Variants in SPATA6 observed in about 807,000 individuals in gnomAD.
SPATA6 encodes spermatogenesis associated 6, also known as spermatogenesis-associated protein 6.
In SPATA6, 56 loss-of-function variants were observed where a neutral mutation model predicts 65.3. The observed-to-expected ratio is 0.86, with a 90% CI of 0.69 to 1.07. SPATA6 has a LOEUF of 1.07. Ranked by LOEUF, SPATA6 falls within the 50% of genes least tolerant of loss-of-function variation. The pLI is 0.00. For synonymous variants in SPATA6, 199 were observed against 213.2 expected, an observed-to-expected ratio of 0.93 and a Z score of 0.58; for missense variants, 590 against 594.8, an observed-to-expected ratio of 0.99 and a Z score of 0.08.
intron 11 of SPATA6, among the ~76,000 whole-genome samples, chr1:48,323,616 GAAA>G (rs34150171): frequency 5.7e-5 from 6 of 105,316 alleles, no homozygotes; most frequent in Middle Eastern, 5.4e-3. Flanking sequence ...CACAACAACA[GAAA>G]AAAAAAAAAA....
At chr1:48,381,913 G>C (rs1256820129) in intron 9 of SPATA6, among the ~76,000 whole-genome samples, 3 of 124,352 alleles carry the variant, frequency 2.4e-5, no homozygotes, top group Admixed American at 1.7e-4. Context: ...GACTCTTAAC[G>C]AGCATGCTGC....
At position 48,436,160 on chromosome 1, in the gene SPATA6, G is replaced by A; in HGVS notation, c.238+15392C>T. On this transcript the variant is annotated intron_variant, in intron 3 of 12. Transcript: ENST00000371847. ...CACTACGAGCTCCAAGTAGAAACAGGAAGAGGATTTGACAACTTGACTTCT... is the reference window on the plus strand; with the variant it reads ...CACTACGAGCTCCAAGTAGAAACAGAAAGAGGATTTGACAACTTGACTTCT... 3.1e-6 allele frequency: 5 copies of A among 1,610,564 alleles called. No individual in the cohort carries two copies. In the South Asian group the frequency reaches 3.3e-5, roughly 11 times the overall value.
At chr1:48,287,037 C>CA in the SPATA6 span, among the ~76,000 whole-genome samples, 39,329 of 112,838 alleles carry the variant, frequency 0.35, 5,917 homozygotes, top group East Asian at 0.42. Flanking sequence ...TAGACTGTCT[C>CA]AAAAAAAAAA....
chr1:48,317,459 C>G (rs889153618), intron 11 of SPATA6, among the ~76,000 whole-genome samples: 1 of 151,198 alleles, frequency 6.6e-6, no homozygotes. Flanking sequence ...TTCTCACTCA[C>G]AGGTGGGAAC....
At chr1:48,350,804 C>T (rs762313458) in intron 11 of SPATA6, among the ~76,000 whole-genome samples, 2 of 151,852 alleles carry the variant, frequency 1.3e-5, no homozygotes, top group African/African-American at 4.8e-5. Flanking sequence ...TAAAATTAGG[C>T]AGTGAGTCCT....
chr1:48,435,499 C>T (rs1654829531), intron 3 of SPATA6, among the ~76,000 whole-genome samples: 1 of 152,160 alleles, frequency 6.6e-6, no homozygotes, highest in Admixed American at 6.5e-5. Context: ...TGTAAAAATG[C>T]ACCAATCAGC....
At chr1:48,365,349 G>A (rs1328414758) in intron 9 of SPATA6, among the ~76,000 whole-genome samples, 1 of 152,154 alleles carries the variant, frequency 6.6e-6, no homozygotes, top group African/African-American at 2.4e-5. Flanking sequence ...GTCATTAGCA[G>A]CTTGATGGGG....
intron 3 of SPATA6, among the ~76,000 whole-genome samples, chr1:48,433,717 T>C (rs1325791760): frequency 6.6e-6 from 1 of 152,202 alleles, no homozygotes; most frequent in Non-Finnish European, 1.5e-5. Flanking sequence ...TGAATATATT[T>C]GTTATATAAA....
intron 3 of SPATA6, among the ~76,000 whole-genome samples, chr1:48,430,326 C>T (rs369134333): frequency 1.9e-4 from 29 of 152,044 alleles, no homozygotes; most frequent in East Asian, 3.9e-4. Context: ...GCAGTAGGCT[C>T]GTATATACAA....
chr1:48,337,795 G>A (rs1646100959), intron 11 of SPATA6, among the ~76,000 whole-genome samples: 1 of 151,850 alleles, frequency 6.6e-6, no homozygotes, highest in Non-Finnish European at 1.5e-5. Context: ...CTAGACCTAT[G>A]AAATGAAAAC....
intron 7 of SPATA6, among the ~76,000 whole-genome samples, chr1:48,397,796 T>C (rs1650750929): frequency 6.6e-6 from 1 of 151,638 alleles, no homozygotes; most frequent in Admixed American, 6.6e-5. Context: ...CATTTCTGTT[T>C]ATTGAAAAGC....
chr1:48,279,113 T>A, the SPATA6 span, among the ~76,000 whole-genome samples: 89 of 152,130 alleles, frequency 5.9e-4, no homozygotes, highest in African/African-American at 2.1e-3. Context: ...ATAAAATCCT[T>A]TACAGACAAG....
chr1:48,403,554 GA>G (rs1402630672), intron 6 of SPATA6, among the ~76,000 whole-genome samples: 3 of 152,074 alleles, frequency 2.0e-5, no homozygotes, highest in Non-Finnish European at 4.4e-5. Flanking sequence ...AAAAGTCCAA[GA>G]AGTAAAAAAA....
chr1:48,357,014 C>G (rs1391312957), intron 10 of SPATA6, among the ~76,000 whole-genome samples: 2 of 152,108 alleles, frequency 1.3e-5, no homozygotes, highest in Non-Finnish European at 2.9e-5. Flanking sequence ...TCTTGGAAAT[C>G]TGAGATCCAA....
At chr1:48,435,638 C>T (rs2148076447) in intron 3 of SPATA6, among the ~76,000 whole-genome samples, 1 of 152,258 alleles carries the variant, frequency 6.6e-6, no homozygotes, top group Middle Eastern at 3.4e-3. Flanking sequence ...ACGCACCAAT[C>T]AGCACTCTGG....
chr1:48,334,821 A>G (rs1646016117), intron 11 of SPATA6, among the ~76,000 whole-genome samples: 1 of 152,184 alleles, frequency 6.6e-6, no homozygotes, highest in African/African-American at 2.4e-5. Flanking sequence ...AGGCATCCAA[A>G]TAAGAAAAGA....
chr1:48,428,146 C>G (rs536479230), intron 3 of SPATA6, among the ~76,000 whole-genome samples: 2 of 152,234 alleles, frequency 1.3e-5, no homozygotes, highest in African/African-American at 4.8e-5. Flanking sequence ...ACCACTGACC[C>G]AAAGCCTTAA....
intron 6 of SPATA6, chr1:48,400,813 T>A (rs1651092522): frequency 7.7e-7 from 1 of 1,295,372 alleles, no homozygotes; most frequent in African/African-American, 1.5e-5. Context: ...CTTCTGTAGT[T>A]CATGGTATGC....
Position 48,298,553 on chromosome 1 carries a change from T to C in SPATA6, c.*160A>G. ...ATAATTATTTTAAAAGGCTTGCCTA[T>C]GATAATTTACCATTTGAAGTAATGA... On this transcript the variant is annotated 3_prime_UTR_variant, in exon 13 of 13. Transcript: ENST00000371847. 3.1e-6 allele frequency: 2 copies of C among 644,210 alleles called. No homozygotes were observed. Among genetic ancestry groups the C allele is most frequent in the Non-Finnish European group, 5.0e-6 (2 of 400,280 alleles). 39.9% of individuals were successfully genotyped at this position (644,210 alleles called of 1,614,324 possible). A position where few individuals can be genotyped will look rare whatever the true frequency, so the allele number is the denominator to read the frequency against.
Sources: gnomAD v4.1 joint callset for allele counts (sites outside exome capture counted in the v4.1 genomes callset) on GRCh38, gnomAD v4.1.1 for gene constraint, MANE v1.5 for transcripts, NCBI Gene and HGNC (gene_info 2026-07-23, HGNC 2026-07-21) for gene names.